The following CDH13 variants were observed in gnomAD, a reference collection of about 807,000 sequenced individuals.
CDH13 encodes cadherin-13.
A neutral mutation model predicts 63.8 loss-of-function variants in CDH13; 24 were observed. The observed-to-expected ratio is 0.38, with a 90% confidence interval of 0.27 to 0.53. CDH13 has a LOEUF of 0.53. Ranked by LOEUF, CDH13 falls within the 20% of genes least tolerant of loss-of-function variation. CDH13 has a pLI of 0.85. For missense variants in CDH13, 1,049 were observed against 903.1 expected (o/e 1.16, Z -2.07); for synonymous variants, 503 against 355.3 (o/e 1.42, Z -4.67).
intron 1 of CDH13, among the ~76,000 whole-genome samples, chr16:82,675,860 A>T (rs1289426039): frequency 6.6e-6 from 1 of 152,156 alleles, no homozygotes; most frequent in Non-Finnish European, 1.5e-5. Context: ...AGAAATGGGT[A>T]TTGCTCTTTC....
chr16:82,753,867 C>G (rs140824907), intron 1 of CDH13, among the ~76,000 whole-genome samples: 1,543 of 152,330 alleles, frequency 0.01, 24 homozygotes, highest in African/African-American at 0.036. Context: ...TCTCCCATCA[C>G]CAAGGGCCAT....
intron 7 of CDH13, among the ~76,000 whole-genome samples, chr16:83,511,086 A>G (rs571083446): frequency 3.4e-4 from 32 of 93,866 alleles, no homozygotes; most frequent in African/African-American, 1.5e-3. Context: ...GCACGCATGC[A>G]CACACACATG....
At chr16:83,210,735 G>A (rs867236738) in intron 4 of CDH13, among the ~76,000 whole-genome samples, 2 of 151,678 alleles carry the variant, frequency 1.3e-5, no homozygotes, top group Middle Eastern at 3.4e-3. Context: ...AAGAGTAACC[G>A]ATTAAAGTGC....
chr16:83,071,504 G>A (rs536072912), intron 3 of CDH13, among the ~76,000 whole-genome samples: 1 of 152,314 alleles, frequency 6.6e-6, no homozygotes, highest in African/African-American at 2.4e-5. Flanking sequence ...CTGAGCAGGA[G>A]GAGAGCAACG....
In CDH13 at chr16:83,026,796, A is replaced by T. The variant is rs143980895; in HGVS notation, c.158-5214A>T. On this transcript the variant is annotated intron_variant, in intron 2 of 13. Transcript: ENST00000567109. Reference sequence around the variant, plus strand: ...CTGTTGTCTGTCCAAGCATCACTTCATTCAAAATGCACACACTGATTCCAA... The same window carrying T: ...CTGTTGTCTGTCCAAGCATCACTTCTTTCAAAATGCACACACTGATTCCAA... Among the ~76,000 whole-genome samples, 384 of 152,272 alleles carry T rather than the reference A, an allele frequency of 2.5e-3. 2 individuals carry two copies. Among genetic ancestry groups the T allele is most frequent in the African/African-American group, 8.9e-3 (371 of 41,562 alleles).
At chr16:83,566,001 G>C (rs189892010) in intron 7 of CDH13, among the ~76,000 whole-genome samples, 16 of 152,282 alleles carry the variant, frequency 1.1e-4, no homozygotes, top group African/African-American at 3.9e-4. Context: ...GTTTAAGACT[G>C]GGACTCATTT....
At chr16:82,716,294 G>A (rs536786069) in intron 1 of CDH13, among the ~76,000 whole-genome samples, 1 of 152,182 alleles carries the variant, frequency 6.6e-6, no homozygotes, top group African/African-American at 2.4e-5. Flanking sequence ...AGCCCATCCC[G>A]AGCCTGCTTT....
At position 83,039,146 on chromosome 16, in the gene CDH13, A is replaced by G. The variant is rs538180299; in HGVS notation, c.366+6928A>G. On this transcript the variant is annotated intron_variant, in intron 3 of 13. Transcript: ENST00000567109. ...CGGAGAGTTATGAGGGCCACAGGCT[A>G]TATACGCTTGGATCCAGCTTCACTG... 3.3e-5 allele frequency among the ~76,000 whole-genome samples: 5 copies of G among 152,314 alleles called. No homozygotes were observed. The South Asian group carries it at 6.2e-4, about 19-fold the overall frequency.
At chr16:82,778,253 C>G (rs1363751828) in intron 1 of CDH13, among the ~76,000 whole-genome samples, 1 of 152,190 alleles carries the variant, frequency 6.6e-6, no homozygotes. Context: ...TGGTACCTCT[C>G]TTTCTGTGAT....
chr16:82,739,114 C>CATG (rs1215340992), intron 1 of CDH13, among the ~76,000 whole-genome samples: 1 of 152,216 alleles, frequency 6.6e-6, no homozygotes, highest in Non-Finnish European at 1.5e-5. Flanking sequence ...AGTCACTCAT[C>CATG]ATTCATTCTT....
At chr16:82,663,910 C>T (rs1003828756) in intron 1 of CDH13, among the ~76,000 whole-genome samples, 3 of 152,212 alleles carry the variant, frequency 2.0e-5, no homozygotes, top group African/African-American at 7.2e-5. Context: ...TACCCTCCCT[C>T]CTCCTACCAT....
At chr16:82,999,571 G>A (rs181608746) in intron 2 of CDH13, among the ~76,000 whole-genome samples, 168 of 152,152 alleles carry the variant, frequency 1.1e-3, no homozygotes, top group Non-Finnish European at 2.0e-3. Context: ...CTTATCTTAT[G>A]GTCAGGCAGA....
intron 3 of CDH13, among the ~76,000 whole-genome samples, chr16:83,050,512 C>G (rs1158510564): frequency 6.6e-6 from 1 of 152,132 alleles, no homozygotes; most frequent in Non-Finnish European, 1.5e-5. Context: ...TATTTTCTTC[C>G]TCTAGTTCTT....
chr16:82,964,642 A>T (rs1907543609), intron 2 of CDH13, among the ~76,000 whole-genome samples: 1 of 152,264 alleles, frequency 6.6e-6, no homozygotes, highest in African/African-American at 2.4e-5. Flanking sequence ...ACTTCTTCAT[A>T]AAGGGACTGA....
intron 3 of CDH13, among the ~76,000 whole-genome samples, chr16:83,040,444 C>T (rs181721459): frequency 2.6e-5 from 4 of 152,098 alleles, no homozygotes; most frequent in Non-Finnish European, 4.4e-5. Context: ...AGTCTGTGGC[C>T]GAAGGCCCCA....
intron 5 of CDH13, among the ~76,000 whole-genome samples, chr16:83,319,365 C>A (rs1419582803): frequency 6.6e-6 from 1 of 152,136 alleles, no homozygotes; most frequent in Non-Finnish European, 1.5e-5. Context: ...TCCGGTTTTC[C>A]TGTTTGAGAT....
chr16:83,436,477 A>AC (rs1411528551), intron 6 of CDH13, among the ~76,000 whole-genome samples: 2 of 152,000 alleles, frequency 1.3e-5, no homozygotes, highest in Admixed American at 1.3e-4. Flanking sequence ...ATCTAATTAA[A>AC]AAAAAAAAAT....
chr16:83,364,860 G>A (rs1425439621), intron 6 of CDH13, among the ~76,000 whole-genome samples: 1 of 152,142 alleles, frequency 6.6e-6, no homozygotes, highest in African/African-American at 2.4e-5. Context: ...GTTGAACAAT[G>A]AGAACACATG....
intron 5 of CDH13, among the ~76,000 whole-genome samples, chr16:83,228,587 G>C (rs547343760): frequency 1.3e-5 from 2 of 152,216 alleles, no homozygotes; most frequent in Non-Finnish European, 2.9e-5. Flanking sequence ...AAATTCTCAA[G>C]AATGAGGAAT....
Sources: gnomAD v4.1 joint callset for allele counts (sites outside exome capture counted in the v4.1 genomes callset) on GRCh38, gnomAD v4.1.1 for gene constraint, MANE v1.5 for transcripts, NCBI Gene and HGNC (gene_info 2026-07-23, HGNC 2026-07-21) for gene names.